TMEM165: variants seen among roughly 807,000 people sequenced by gnomAD.
The protein encoded by TMEM165 is putative divalent cation/proton antiporter TMEM165.
TMEM165 carries 19 observed loss-of-function variants against 30.0 expected under a neutral mutation model. The ratio of observed to expected loss-of-function variants is 0.63; its 90% CI spans 0.44 to 0.93. TMEM165 has a LOEUF of 0.93. TMEM165 is among the 40% of genes least tolerant of loss of function. The pLI is 0.00. For missense variants in TMEM165, 340 were observed against 417.0 expected (o/e 0.82, Z 1.61); for synonymous variants, 168 against 162.9 (o/e 1.03, Z -0.24).
chr4:55,435,263 A>G lies in TMEM165; in HGVS notation c.408+10620A>G, dbSNP rs746390660. ...ATGTACATCTGTAGCACTAGGCAGC[A>G]TTTTCTCTGCCAACTAATTCCAGGA... On this transcript the variant is annotated intron_variant, in intron 3 of 3. Transcript: ENST00000608091. The G allele has an allele frequency of 2.4e-5, 21 of 889,714 alleles. No homozygotes were observed. In the South Asian group the frequency reaches 3.0e-4, roughly 13 times the overall value. The allele number at this position is 889,714 out of a possible 1,614,324, so 55.1% of individuals were successfully genotyped here. A position where few individuals can be genotyped will look rare whatever the true frequency, so the allele number is the denominator to read the frequency against.
chr4:55,425,492 GT>G lies in TMEM165; in HGVS notation c.*41del. ...ATCTATATTTAGTTTAAAATAGGTA[GT>G]ATTATCTTTCTGTACATAGTGTACA... On this transcript the variant is annotated 3_prime_UTR_variant, in exon 6 of 6. Transcript: ENST00000381334. The G allele has an allele frequency of 6.8e-7, 1 of 1,465,170 alleles. No individual in the cohort carries two copies. Among genetic ancestry groups the G allele is most frequent in the African/African-American group, 1.4e-5 (1 of 71,662 alleles). 90.8% of individuals were successfully genotyped at this position (1,465,170 alleles called of 1,614,324 possible). A position where few individuals can be genotyped will look rare whatever the true frequency, so the allele number is the denominator to read the frequency against.
At chr4:55,420,343 A>G (rs6814021) in intron 4 of TMEM165, among the ~76,000 whole-genome samples, 122 of 151,040 alleles carry the variant, frequency 8.1e-4, no homozygotes, top group African/African-American at 2.8e-3. Flanking sequence ...ACTCTATGCC[A>G]TAGAGTGACG....
rs1721506417 is a variant in TMEM165, at chr4:55,411,716, A to G, written c.310A>G (p.Ile104Val). The part of the protein sequence containing the change: ...IHAFVAAISV[I>V]IVSELGDKTF... ...TGCATTTGTCGCTGCCATATCAGTTATTATTGTATCTGAATTGGGTGATAA... is the reference window on the plus strand; with the variant it reads ...TGCATTTGTCGCTGCCATATCAGTTGTTATTGTATCTGAATTGGGTGATAA... Residue 104 changes from isoleucine (I) to valine (V), a missense_variant, in exon 2 of 6, where the codon ATT becomes GTT. This residue lies in a region of TMEM165 where 220 missense variants were observed against 307.6 expected (regional missense o/e 0.72). Transcript: ENST00000381334. 6.2e-7 allele frequency: 1 copy of G among 1,614,052 alleles called. No homozygotes were observed. The highest frequency in any genetic ancestry group is 8.5e-7 in the Non-Finnish European group (1 of 1,180,034).
intron 4 of TMEM165, among the ~76,000 whole-genome samples, chr4:55,420,146 T>TTTA (rs60110155): frequency 0.032 from 1,334 of 41,588 alleles, 117 homozygotes; most frequent in African/African-American, 0.13. Context: ...TATTTATTTA[T>TTTA]TTTATTTATT....
At chr4:55,417,308 C>A in intron 3 of TMEM165, 61 bp downstream of exon 3, 1 of 1,514,592 alleles carries the variant, frequency 6.6e-7, no homozygotes, top group East Asian at 2.3e-5. Flanking sequence ...AAACACTCTA[C>A]AGAGGTTTCT....
At chr4:55,442,676 A>G in intron 3 of TMEM165, 1 of 1,515,746 alleles carries the variant, frequency 6.6e-7, no homozygotes, top group Admixed American at 1.7e-5. Context: ...TTAACTGAAA[A>G]TAATTATTTG....
chr4:55,450,214 C>T, intron 3 of TMEM165: 1 of 1,613,972 alleles, frequency 6.2e-7, no homozygotes, highest in South Asian at 1.1e-5. Context: ...ATACGATTAT[C>T]TGACCCAGAA....
intron 3 of TMEM165, chr4:55,443,781 G>C (rs771529260): frequency 6.2e-7 from 1 of 1,613,908 alleles, no homozygotes; most frequent in African/African-American, 1.3e-5. Context: ...CTGGTTAGTA[G>C]GAACAACTTG....
At chr4:55,420,098 G>GAAAAAAAAAAAAAA (rs370641089) in intron 4 of TMEM165, among the ~76,000 whole-genome samples, 12 of 43,748 alleles carry the variant, frequency 2.7e-4, no homozygotes, top group Non-Finnish European at 4.2e-4. Flanking sequence ...ACTATCTTAA[G>GAAAAAAAAAAAAAA]AAAAAAAAAT....
downstream of TMEM165, chr4:55,428,497 A>G (rs751138563): frequency 2.6e-5 from 4 of 152,210 alleles, no homozygotes; most frequent in Non-Finnish European, 5.9e-5. Flanking sequence ...GAAGACAACA[A>G]ATGGAAAATG....
In TMEM165 at chr4:55,411,767, G is replaced by A; in HGVS notation, c.361G>A (p.Ala121Thr). ...GACATTTTTTATAGCAGCCATCATGGCAATGCGCTATAACCGCCTGACCGT... is the reference window on the plus strand; with the variant it reads ...GACATTTTTTATAGCAGCCATCATGACAATGCGCTATAACCGCCTGACCGT... Reference protein sequence around the residue: ...DKTFFIAAIMAMRYNRLTVLA... With the variant: ...DKTFFIAAIMTMRYNRLTVLA... The change falls in exon 2 of 6, where the codon GCA becomes ACA. Residue 121 changes from alanine to threonine, a missense_variant. Around this residue, in one of 2 missense-constraint regions of TMEM165, gnomAD observed 220 missense variants for 307.6 expected, o/e 0.72. Coordinates refer to ENST00000381334, the MANE Select transcript of TMEM165 (RefSeq NM_018475.5). 3 of 1,614,208 alleles carry A rather than the reference G, an allele frequency of 1.9e-6. No individual in the cohort carries two copies. The highest frequency in any genetic ancestry group is 2.5e-6 in the Non-Finnish European group (3 of 1,180,038).
At chr4:55,412,060 A>G in intron 2 of TMEM165, 3 of 594,636 alleles carry the variant, frequency 5.0e-6, no homozygotes, top group Non-Finnish European at 8.9e-6. Flanking sequence ...TCTTCAATTT[A>G]AGGAATTGCA....
At chr4:55,418,140 T>G (rs1023804274) in intron 4 of TMEM165, 155 bp downstream of exon 4, 19 of 605,536 alleles carry the variant, frequency 3.1e-5, no homozygotes, top group Admixed American at 8.3e-5. Flanking sequence ...AAAATTGGCC[T>G]TCTCCCAGTT....
chr4:55,413,508 GT>G (rs1273349080), intron 2 of TMEM165, among the ~76,000 whole-genome samples: 4 of 152,166 alleles, frequency 2.6e-5, no homozygotes, highest in Non-Finnish European at 5.9e-5. Context: ...TAGAGATAGA[GT>G]TTTACCATGT....
At chr4:55,426,399 T>TAGAGTC (rs773067726), downstream of TMEM165, among the ~76,000 whole-genome samples, 4 of 152,182 alleles carry the variant, frequency 2.6e-5, no homozygotes, top group Non-Finnish European at 4.4e-5. Context: ...GGTTACATGG[T>TAGAGTC]AGAGTCACAC....
downstream of TMEM165, among the ~76,000 whole-genome samples, chr4:55,427,368 T>A (rs112512391): frequency 4.9e-3 from 93 of 19,130 alleles, 1 homozygote; most frequent in African/African-American, 0.036. Context: ...GGAGACAATC[T>A]ATCTCACTCT....
chr4:55,417,617 A>C (rs1316515956), intron 3 of TMEM165, 186 bp from the exon 4 acceptor site: 2 of 595,892 alleles, frequency 3.4e-6, no homozygotes, highest in Non-Finnish European at 2.9e-6. Context: ...AAACGGAAGA[A>C]TTGAGACTAT....
exon 4 of TMEM165, chr4:55,453,191 C>T (rs561023609): frequency 7.7e-7 from 1 of 1,295,452 alleles, no homozygotes; most frequent in African/African-American, 1.5e-5. Flanking sequence ...TACTGCACAG[C>T]TGTAACTATT....
chr4:55,401,029 G>A (rs1249175132), intron 1 of TMEM165, among the ~76,000 whole-genome samples: 2 of 150,448 alleles, frequency 1.3e-5, no homozygotes, highest in African/African-American at 5.0e-5. Context: ...ACCTTTTTGT[G>A]CCACTGTGTG....
Sources: gnomAD v4.1 joint callset for allele counts (sites outside exome capture counted in the v4.1 genomes callset) on GRCh38, gnomAD v4.1.1 for gene constraint, gnomAD v4.1.1 regional missense constraint, MANE v1.5 for transcripts, NCBI Gene and HGNC (gene_info 2026-07-23, HGNC 2026-07-21) for gene names.